Variants in LRRK2 observed in about 807,000 individuals in gnomAD.
LRRK2 encodes leucine rich repeat kinase 2.
LRRK2 carries 203 observed loss-of-function variants against 302.6 expected under a neutral mutation model. The ratio of observed to expected loss-of-function variants is 0.67; its 90% confidence interval spans 0.60 to 0.75. The LOEUF is 0.75. Ranked by LOEUF, LRRK2 falls within the 30% of genes least tolerant of loss-of-function variation. LRRK2 has a pLI of 0.00. For synonymous variants in LRRK2, 1,066 were observed against 1,031.9 expected (o/e 1.03, Z -0.63); for missense variants, 2,830 against 2,951.0 (o/e 0.96, Z 0.95).
intron 5 of LRRK2, 64 bp downstream of exon 5, chr12:40,238,167 T>C: frequency 6.8e-7 from 1 of 1,473,932 alleles, no homozygotes; most frequent in Non-Finnish European, 9.3e-7. Flanking sequence ...CTGGGAAAAG[T>C]AGAACACAGT....
At chr12:40,340,270 G>A (rs750930277) in intron 40 of LRRK2, 24 bp from the exon 41 acceptor site, 1 of 1,612,216 alleles carries the variant, frequency 6.2e-7, no homozygotes, top group East Asian at 2.2e-5. Context: ...ATTTGAATAA[G>A]ATTTCCTGTG....
chr12:40,344,944 G>A (rs907651509), intron 41 of LRRK2, among the ~76,000 whole-genome samples: 2 of 152,036 alleles, frequency 1.3e-5, no homozygotes, highest in Non-Finnish European at 2.9e-5. Flanking sequence ...TTATCAGTTA[G>A]TGTAGTAGGG....
At chr12:40,243,906 T>G (rs1941856196) in intron 7 of LRRK2, among the ~76,000 whole-genome samples, 1 of 152,098 alleles carries the variant, frequency 6.6e-6, no homozygotes, top group Non-Finnish European at 1.5e-5. Flanking sequence ...CAAAAATAGA[T>G]GTGTAGAATG....
intron 40 of LRRK2, among the ~76,000 whole-genome samples, chr12:40,339,891 G>C (rs1455675655): frequency 6.6e-6 from 1 of 152,120 alleles, no homozygotes; most frequent in Non-Finnish European, 1.5e-5. Context: ...TAAATGGCAA[G>C]TACAACAAAA....
At chr12:40,291,881 T>C (rs1944171903) in intron 20 of LRRK2, among the ~76,000 whole-genome samples, 1 of 152,054 alleles carries the variant, frequency 6.6e-6, no homozygotes, top group Admixed American at 6.6e-5. Context: ...AGCTCTGTTG[T>C]TTGTTGTGCA....
intron 35 of LRRK2, 47 bp from the exon 36 acceptor site, chr12:40,321,988 C>A: frequency 1.9e-6 from 3 of 1,600,356 alleles, no homozygotes; most frequent in South Asian, 1.1e-5. Flanking sequence ...TAGATTTTTT[C>A]CCTTTAACTT....
chr12:40,278,078 C>A lies in LRRK2; in HGVS notation c.2071-13C>A. On this transcript the variant is annotated splice_polypyrimidine_tract_variant and intron_variant, in intron 17 of 50. Transcript: ENST00000298910. The stretch of plus-strand genomic sequence containing the variant: ...ATTTATCTGACTCTAATTCTCATTT[C>A]CACTCTTTTTAGTTTCTAAACCTCT... 1.2e-6 allele frequency: 2 copies of A among 1,613,900 alleles called. No individual in the cohort carries two copies. The highest frequency in any genetic ancestry group is 8.5e-7 in the Non-Finnish European group (1 of 1,179,958).
At chr12:40,360,709 A>G (rs1418530280) in intron 47 of LRRK2, among the ~76,000 whole-genome samples, 1 of 152,140 alleles carries the variant, frequency 6.6e-6, no homozygotes, top group Non-Finnish European at 1.5e-5. Flanking sequence ...TGGGCCCTTC[A>G]TAATTCAGTG....
rs938086487 is a variant in LRRK2, at chr12:40,287,556, A to G, written c.2689+17A>G. The G allele has an allele frequency of 5.6e-6, 9 of 1,610,028 alleles. No homozygotes were observed. In the Admixed American group the frequency reaches 8.4e-5, roughly 15 times the overall value. ...ATAGTGAAGGTATTTATTATAAAAAAAAACCCTTTATGCTTTATATTTACA... is the reference window on the plus strand; with the variant it reads ...ATAGTGAAGGTATTTATTATAAAAAGAAACCCTTTATGCTTTATATTTACA... On this transcript the variant is annotated intron_variant, in intron 20 of 50. Transcript: ENST00000298910.
chr12:40,251,162 T>A, intron 8 of LRRK2, 70 bp from the exon 9 acceptor site: 1 of 1,059,412 alleles, frequency 9.4e-7, no homozygotes, highest in Non-Finnish European at 1.4e-6. Flanking sequence ...AAATATGGAC[T>A]TAGAGTTGGT....
intron 46 of LRRK2, among the ~76,000 whole-genome samples, chr12:40,356,615 TTCTCTA>T (rs1946547433): frequency 6.6e-6 from 1 of 152,194 alleles, no homozygotes; most frequent in Admixed American, 6.5e-5. Context: ...AAGCATTCAT[TTCTCTA>T]TCCATCTATT....
chr12:40,270,985 G>A (rs533759416), intron 14 of LRRK2, among the ~76,000 whole-genome samples: 3 of 151,932 alleles, frequency 2.0e-5, no homozygotes, highest in African/African-American at 7.2e-5. Flanking sequence ...TCACTATGTT[G>A]CCCAGGCTGG....
At chr12:40,310,342 T>A in intron 30 of LRRK2, 89 bp from the exon 31 acceptor site, 3 of 1,224,854 alleles carry the variant, frequency 2.4e-6, no homozygotes, top group Non-Finnish European at 3.6e-6. Flanking sequence ...TCCATTCAAG[T>A]GAATGTCACG....
chr12:40,346,797 C>A lies in LRRK2; in HGVS notation c.6154C>A (p.Gln2052Lys). Residue 2052 changes from glutamine to lysine, a missense_variant, in exon 42 of 51, where the codon CAA becomes AAA. By Grantham distance (53) the Gln-to-Lys change is moderately conservative (BLOSUM62 1). Around this residue, in one of 3 missense-constraint regions of LRRK2, gnomAD observed 253 missense variants for 346.7 expected, o/e 0.73. Transcript: ENST00000298910. ...TGCCAGAGGAAATGTCATTTATAACCAACAGGCTGATGTTTATTCATTTGG... is the reference window on the plus strand; with the variant it reads ...TGCCAGAGGAAATGTCATTTATAACAAACAGGCTGATGTTTATTCATTTGG... ...EVARGNVIYN[Q>K]QADVYSFGLL... is the part of the protein sequence containing the mutation. The A allele has an allele frequency of 1.2e-6, 2 of 1,613,918 alleles. No individual in the cohort carries two copies. Among genetic ancestry groups the A allele is most frequent in the South Asian group, 1.1e-5 (1 of 91,076 alleles).
intron 3 of LRRK2, among the ~76,000 whole-genome samples, chr12:40,234,962 C>T (rs1408578638): frequency 6.6e-6 from 1 of 151,580 alleles, no homozygotes; most frequent in Non-Finnish European, 1.5e-5. Context: ...ATAAGTAGTG[C>T]TTTTAACTTT....
At chr12:40,318,966 A>G (rs572018411) in intron 33 of LRRK2, among the ~76,000 whole-genome samples, 1 of 152,226 alleles carries the variant, frequency 6.6e-6, no homozygotes, top group South Asian at 2.1e-4. Context: ...TACATACAAA[A>G]TAGAAATACA....
intron 12 of LRRK2, among the ~76,000 whole-genome samples, chr12:40,259,073 C>T (rs373607953): frequency 2.6e-4 from 40 of 152,062 alleles, no homozygotes; most frequent in Non-Finnish European, 4.6e-4. Flanking sequence ...TGTAAAGAGG[C>T]CTTGTCTTGG....
chr12:40,233,182 A>C (rs1383512462), intron 3 of LRRK2, among the ~76,000 whole-genome samples: 2 of 152,136 alleles, frequency 1.3e-5, no homozygotes, highest in Admixed American at 1.3e-4. Context: ...GCACCACTGC[A>C]CTCCAGCCTG....
At chr12:40,299,371 T>C (rs971601409) in intron 25 of LRRK2, 114 bp downstream of exon 25, 35 of 1,160,908 alleles carry the variant, frequency 3.0e-5, no homozygotes, top group Admixed American at 2.5e-4. Context: ...TTAAATATTA[T>C]GCTGGATTTA....
Sources: gnomAD v4.1 joint callset for allele counts (sites outside exome capture counted in the v4.1 genomes callset) on GRCh38, gnomAD v4.1.1 for gene constraint, gnomAD v4.1.1 regional missense constraint, MANE v1.5 for transcripts, NCBI Gene and HGNC (gene_info 2026-07-23, HGNC 2026-07-21) for gene names.